The following NTRK3 variants were observed in gnomAD, a reference collection of about 807,000 sequenced individuals.
NTRK3 encodes the protein NT-3 growth factor receptor.
NTRK3 carries 24 observed loss-of-function variants against 91.7 expected under a neutral mutation model. The ratio of observed to expected loss-of-function variants is 0.26; its 90% CI spans 0.19 to 0.37. The LOEUF (loss-of-function observed/expected upper bound fraction) is 0.37, where lower values mean the gene tolerates loss of function less well. NTRK3 is among the 10% of genes least tolerant of loss of function. NTRK3 has a pLI of 1.00. For synonymous variants in NTRK3, 483 were observed against 404.0 expected (o/e 1.20, Z -2.34); for missense variants, 880 against 1,068.9 (o/e 0.82, Z 2.46).
chr15:88,067,206 G>C (rs971359292), intron 13 of NTRK3, among the ~76,000 whole-genome samples: 5 of 152,118 alleles, frequency 3.3e-5, no homozygotes, highest in Non-Finnish European at 2.9e-5. Context: ...CAGCCCCTCA[G>C]AGTTGTACAG....
intron 13 of NTRK3, among the ~76,000 whole-genome samples, chr15:88,062,702 A>G (rs2046324832): frequency 6.6e-6 from 1 of 152,232 alleles, no homozygotes; most frequent in African/African-American, 2.4e-5. Flanking sequence ...ATTTTCAAAA[A>G]GCCATTGTTA....
intron 17 of NTRK3, among the ~76,000 whole-genome samples, chr15:87,889,425 A>G: frequency 9.5e-6 from 1 of 105,418 alleles, no homozygotes; most frequent in South Asian, 3.0e-4. Context: ...TTTTTTTGAG[A>G]CGAAGTCTCA....
chr15:88,215,847 A>T (rs2049720020), intron 3 of NTRK3, among the ~76,000 whole-genome samples: 1 of 152,158 alleles, frequency 6.6e-6, no homozygotes, highest in African/African-American at 2.4e-5. Context: ...AAATGCAAAC[A>T]TGAATGCAAA....
In NTRK3 at chr15:87,978,157, A is replaced by C. The variant is rs62019226; in HGVS notation, c.1586-37404T>G. ...CAGGCCCTACAAATGTGCCTTTCCT[A>C]CTGAAGAAGGGAAAGTCACCCCCTT... On this transcript the variant is annotated intron_variant, in intron 14 of 18. Coordinates refer to ENST00000394480, the Ensembl canonical transcript of NTRK3. 11,750 of 230,208 alleles carry C rather than the reference A, an allele frequency of 0.051. 413 individuals carry two copies. The highest frequency in any genetic ancestry group is 0.13 in the South Asian group (701 of 5,506). The allele number at this position is 230,208 out of a possible 1,614,324, so 14.3% of individuals were successfully genotyped here.
chr15:88,071,986 CCAGGCAAAATCAAA>C (rs1166694574), intron 13 of NTRK3, among the ~76,000 whole-genome samples: 1 of 151,876 alleles, frequency 6.6e-6, no homozygotes, highest in African/African-American at 2.4e-5. Context: ...CTCACAGACC[CCAGGCAAAATCAAA>C]CATCTTTTTT....
At chr15:87,909,773 G>T (rs2066980102) in intron 17 of NTRK3, among the ~76,000 whole-genome samples, 1 of 152,150 alleles carries the variant, frequency 6.6e-6, no homozygotes, top group African/African-American at 2.4e-5. Context: ...TAGGACTGGG[G>T]TCCTTATAAG....
chr15:88,195,676 G>A (rs1203917695), intron 3 of NTRK3, among the ~76,000 whole-genome samples: 1 of 152,210 alleles, frequency 6.6e-6, no homozygotes, highest in African/African-American at 2.4e-5. Context: ...AGGCATCTTA[G>A]CTTTGAACCA....
chr15:88,085,348 G>A (rs1029617257), intron 13 of NTRK3, among the ~76,000 whole-genome samples: 2 of 152,152 alleles, frequency 1.3e-5, no homozygotes, highest in African/African-American at 4.8e-5. Flanking sequence ...ACTTGCTTTG[G>A]GCAATGAAAT....
At chr15:88,215,460 C>T (rs1301961399) in intron 3 of NTRK3, among the ~76,000 whole-genome samples, 1 of 152,196 alleles carries the variant, frequency 6.6e-6, no homozygotes, top group East Asian at 1.9e-4. Context: ...CCCGTGGCTC[C>T]CCTGAAACGT....
intron 3 of NTRK3, among the ~76,000 whole-genome samples, chr15:88,184,805 AG>A (rs1463151012): frequency 1.3e-5 from 2 of 152,200 alleles, no homozygotes; most frequent in African/African-American, 4.8e-5. Flanking sequence ...CAGCATCACC[AG>A]GGTCTAGACT....
chr15:87,863,868 T>C (rs2064589273), exon 19 of NTRK3: 2 of 232,028 alleles, frequency 8.6e-6, no homozygotes, highest in African/African-American at 2.2e-5. Context: ...CCTAATTTTA[T>C]TGTCACATTC....
At chr15:87,866,428 A>AAT (rs376980136) in exon 19 of NTRK3, 3,757 of 163,396 alleles carry the variant, frequency 0.023, 44 homozygotes, top group African/African-American at 0.026. Context: ...TATATATGTA[A>AAT]ATATATATAT....
intron 3 of NTRK3, among the ~76,000 whole-genome samples, chr15:88,244,291 T>C (rs2052631172): frequency 6.6e-6 from 1 of 152,234 alleles, no homozygotes; most frequent in South Asian, 2.1e-4. Flanking sequence ...CCACATCATG[T>C]ATTTTAATCC....
intron 16 of NTRK3, among the ~76,000 whole-genome samples, chr15:87,931,629 C>T (rs1361122973): frequency 6.6e-6 from 1 of 152,148 alleles, no homozygotes; most frequent in Non-Finnish European, 1.5e-5. Context: ...CAAAGTTCTC[C>T]AGGAAAGGAA....
chr15:88,190,203 G>C (rs1353706033), intron 3 of NTRK3, among the ~76,000 whole-genome samples: 2 of 152,158 alleles, frequency 1.3e-5, no homozygotes, highest in Non-Finnish European at 2.9e-5. Flanking sequence ...TATCTTCACT[G>C]TGACTTCTCA....
At chr15:88,112,587 C>G (rs1350435924) in intron 13 of NTRK3, among the ~76,000 whole-genome samples, 3 of 152,214 alleles carry the variant, frequency 2.0e-5, no homozygotes, top group African/African-American at 7.2e-5. Flanking sequence ...ACTAACCTAT[C>G]TCCATGGGCT....
intron 14 of NTRK3, among the ~76,000 whole-genome samples, chr15:88,030,498 T>G (rs1175980179): frequency 6.6e-6 from 1 of 152,166 alleles, no homozygotes; most frequent in African/African-American, 2.4e-5. Context: ...TAACCTGGTA[T>G]CAGGAGCTTC....
chr15:88,149,587 A>T (rs2043188816), intron 5 of NTRK3, among the ~76,000 whole-genome samples: 1 of 152,046 alleles, frequency 6.6e-6, no homozygotes, highest in Non-Finnish European at 1.5e-5. Context: ...ATTCCTACAA[A>T]CTTCCACTGT....
At chr15:88,084,442 G>A (rs1477061147) in intron 13 of NTRK3, among the ~76,000 whole-genome samples, 4 of 152,202 alleles carry the variant, frequency 2.6e-5, no homozygotes, top group East Asian at 3.9e-4. Context: ...AGGCAAGCCA[G>A]GAGTTCCATT....
Sources: gnomAD v4.1 joint callset for allele counts (sites outside exome capture counted in the v4.1 genomes callset) on GRCh38, gnomAD v4.1.1 for gene constraint, MANE v1.5 for transcripts, NCBI Gene and HGNC (gene_info 2026-07-23, HGNC 2026-07-21) for gene names.